NR4A1: variants seen among roughly 807,000 people sequenced by gnomAD.
NR4A1 encodes nuclear receptor subfamily 4immunitygroup A member 1.
NR4A1 carries 24 observed loss-of-function variants against 47.5 expected under a neutral mutation model. The observed-to-expected ratio is 0.50, with a 90% CI of 0.37 to 0.71. The LOEUF is 0.71. NR4A1 is among the 30% of genes least tolerant of loss of function. The pLI, the probability that NR4A1 is intolerant of heterozygous loss-of-function variation, is 0.00. For synonymous variants in NR4A1, 353 were observed against 345.7 expected (o/e 1.02, Z -0.24); for missense variants, 669 against 788.6 (o/e 0.85, Z 1.82).
At chr12:52,042,334 G>A (rs1938471050) in intron 2 of NR4A1, among the ~76,000 whole-genome samples, 1 of 152,078 alleles carries the variant, frequency 6.6e-6, no homozygotes, top group Admixed American at 6.5e-5. Flanking sequence ...TCTCCCAGGT[G>A]TAGACACTTC....
intron 2 of NR4A1, 46 bp from the exon 3 acceptor site, chr12:52,055,984 C>G: frequency 9.9e-7 from 1 of 1,008,518 alleles, no homozygotes; most frequent in Non-Finnish European, 1.4e-6. Context: ...TCCCCCCTCC[C>G]CACCCCACAC....
At position 52,043,926 on chromosome 12, in the gene NR4A1, A is replaced by G. The variant is rs192335610; in HGVS notation, c.37+1997A>G. 8 of 1,288,856 alleles carry G rather than the reference A, an allele frequency of 6.2e-6. No individual in the cohort carries two copies. In the Middle Eastern group the frequency reaches 1.5e-3, roughly 241 times the overall value. 79.8% of individuals were successfully genotyped at this position (1,288,856 alleles called of 1,614,324 possible). ...GGAGGAAGCTGGTGAGTCTTGGGAC[A>G]GGGACATTGAGGAATGGGAGCTGGG... On this transcript the variant is annotated intron_variant, in intron 2 of 7. Coordinates refer to the NR4A1 transcript ENST00000360284.
chr12:52,031,346 G>C (rs1249497790), intron 1 of NR4A1, among the ~76,000 whole-genome samples: 1 of 150,428 alleles, frequency 6.6e-6, no homozygotes, highest in Non-Finnish European at 1.5e-5. Context: ...CAGTTTAAAA[G>C]CTACTTCCCG....
intron 2 of NR4A1, 41 bp downstream of exon 2, chr12:52,055,245 A>G: frequency 6.2e-7 from 1 of 1,603,246 alleles, no homozygotes; most frequent in Non-Finnish European, 8.5e-7. Context: ...TTGGAAATGG[A>G]GAGAGGCTGG....
chr12:52,041,909 C>T, exon 2 of NR4A1: 4 of 1,498,572 alleles, frequency 2.7e-6, no homozygotes, highest in Non-Finnish European at 2.7e-6. Context: ...TTGGCCAAGG[C>T]CTGTTGGTCC....
At position 52,059,207 on chromosome 12, in the gene NR4A1, CA is replaced by C. The variant is rs1468746795; in HGVS notation, c.*264del. On this transcript the variant is annotated 3_prime_UTR_variant, in exon 7 of 7. Transcript: ENST00000394825. ...TTTGTAAGATAAACCGTTTTTAACACATAGCGCCGTGCTGTAAATAAGCCCA... is the reference window on the plus strand; with the variant it reads ...TTTGTAAGATAAACCGTTTTTAACACTAGCGCCGTGCTGTAAATAAGCCCA... The C allele has an allele frequency of 1.3e-4, 67 of 499,090 alleles. 2 individuals carry two copies. The highest frequency in any genetic ancestry group is 5.8e-4 in the Admixed American group (15 of 25,956). The allele number at this position is 499,090 out of a possible 1,614,324, so 30.9% of individuals were successfully genotyped here. A position where few individuals can be genotyped will look rare whatever the true frequency, so the allele number is the denominator to read the frequency against.
chr12:52,037,897 C>T (rs976868015), intron 1 of NR4A1: 440 of 972,856 alleles, frequency 4.5e-4, no homozygotes, highest in Non-Finnish European at 4.9e-4. Flanking sequence ...TTGTGTCTCC[C>T]AGGCGTGTTT....
chr12:52,028,497 C>T (rs1938048640), intron 1 of NR4A1, among the ~76,000 whole-genome samples: 1 of 151,764 alleles, frequency 6.6e-6, no homozygotes, highest in South Asian at 2.1e-4. Flanking sequence ...TTGCTTGAAC[C>T]CAGGAGGCGG....
intron 1 of NR4A1, chr12:52,038,855 C>T (rs1042895631): frequency 2.9e-6 from 2 of 688,294 alleles, no homozygotes; most frequent in Non-Finnish European, 5.3e-6. Flanking sequence ...GGAGTTCAGG[C>T]CCTGTGCCTG....
At position 52,051,463 on chromosome 12, in the gene NR4A1, G is replaced by A. The variant is rs1938935559; in HGVS notation, c.-108G>A. On this transcript the variant is annotated 5_prime_UTR_variant, in exon 1 of 7. Transcript: ENST00000394825. The stretch of plus-strand genomic sequence containing the variant: ...GGGGAGTCCCAGTGGCGGAGGCTAC[G>A]AAACTTGGGGGAGTGCACAGAAGAA... The A allele has an allele frequency of 3.0e-6, 3 of 985,452 alleles. No homozygotes were observed. Among genetic ancestry groups the A allele is most frequent in the South Asian group, 4.7e-5 (1 of 21,296 alleles). The allele number at this position is 985,452 out of a possible 1,614,324, so 61.0% of individuals were successfully genotyped here. A position where few individuals can be genotyped will look rare whatever the true frequency, so the allele number is the denominator to read the frequency against.
At chr12:52,057,033 G>T (rs766370673) in intron 4 of NR4A1, 24 bp from the exon 5 acceptor site, 29 of 1,563,810 alleles carry the variant, frequency 1.9e-5, no homozygotes, top group Middle Eastern at 1.7e-4. Context: ...CTGGGGTGCT[G>T]ACCCCACTGG....
At chr12:52,055,339 A>C in intron 2 of NR4A1, 135 bp downstream of exon 2, 5 of 1,180,332 alleles carry the variant, frequency 4.2e-6, no homozygotes, top group Non-Finnish European at 5.9e-6. Flanking sequence ...CAGCCCTGCC[A>C]GGTGGGCCGC....
At chr12:52,058,166 C>T (rs1939372612) in intron 6 of NR4A1, among the ~76,000 whole-genome samples, 1 of 152,154 alleles carries the variant, frequency 6.6e-6, no homozygotes, top group Non-Finnish European at 1.5e-5. Context: ...TTGGTTGTGC[C>T]TGTTTTGGAC....
chr12:52,028,095 G>A (rs951963528), intron 1 of NR4A1, among the ~76,000 whole-genome samples: 6 of 150,300 alleles, frequency 4.0e-5, no homozygotes, highest in African/African-American at 9.8e-5. Context: ...CCAGCTACTC[G>A]GGAGTTTGAG....
chr12:52,049,924 C>T (rs1020513541), upstream of NR4A1, among the ~76,000 whole-genome samples: 6 of 151,888 alleles, frequency 4.0e-5, no homozygotes, highest in Non-Finnish European at 5.9e-5. Context: ...GAAATCGGGC[C>T]GGCAGAGCCT....
In NR4A1 at chr12:52,054,756, C is replaced by T. The variant is rs373652442; in HGVS notation, c.428C>T (p.Thr143Met). The T allele has an allele frequency of 2.9e-5, 47 of 1,612,466 alleles. No individual in the cohort carries two copies. The Admixed American group carries it at 3.5e-4, about 12-fold the overall frequency. ...GSPCSAPSPS[T>M]PSFQPPQLSP... is the part of the protein sequence containing the mutation. ...CCCTGCTCGGCCCCGTCGCCCTCCACGCCCAGCTTCCAGCCGCCCCAGCTC... is the reference window on the plus strand; with the variant it reads ...CCCTGCTCGGCCCCGTCGCCCTCCATGCCCAGCTTCCAGCCGCCCCAGCTC... Residue 143 changes from threonine to methionine, a missense_variant, in exon 2 of 7, where the codon ACG becomes ATG. Thr to Met is a moderately conservative substitution (Grantham distance 81). Coordinates refer to ENST00000394825, the MANE Select transcript of NR4A1 (RefSeq NM_173157.3).
rs956255863 is a variant in NR4A1 at position 52,056,095 on chromosome 12, G to A, written c.942G>A (p.Arg314=). The change falls in exon 3 of 7, where the codon AGG becomes AGA. Residue 314 remains arginine (R), a synonymous_variant. Coordinates refer to ENST00000394825, the MANE Select transcript of NR4A1 (RefSeq NM_173157.3). The part of the protein sequence containing the change: ...LANKDCPVDK[R]RRNRCQFCRF... Reference sequence around the variant, plus strand: ...ACAAGGACTGCCCTGTGGACAAGAGGCGGCGAAACCGCTGCCAGTTCTGCC... The same window carrying A: ...ACAAGGACTGCCCTGTGGACAAGAGACGGCGAAACCGCTGCCAGTTCTGCC... The A allele has an allele frequency of 3.1e-6, 5 of 1,612,100 alleles. No homozygotes were observed. The highest frequency in any genetic ancestry group is 1.1e-5 in the South Asian group (1 of 90,868).
At chr12:52,039,262 C>A (rs922675239) in intron 1 of NR4A1, among the ~76,000 whole-genome samples, 4 of 152,104 alleles carry the variant, frequency 2.6e-5, no homozygotes, top group Non-Finnish European at 5.9e-5. Flanking sequence ...AGTAATATGC[C>A]CACTTCTGGG....
upstream of NR4A1, among the ~76,000 whole-genome samples, chr12:52,047,357 A>T (rs1220391544): frequency 6.6e-6 from 1 of 152,118 alleles, no homozygotes; most frequent in Non-Finnish European, 1.5e-5. Flanking sequence ...GGCCCAGGCC[A>T]TTCTCCCTTG....
Sources: gnomAD v4.1 joint callset for allele counts (sites outside exome capture counted in the v4.1 genomes callset) on GRCh38, gnomAD v4.1.1 for gene constraint, MANE v1.5 for transcripts, NCBI Gene and HGNC (gene_info 2026-07-23, HGNC 2026-07-21) for gene names.